The following PTCHD4 variants were observed in gnomAD, a reference collection of about 807,000 sequenced individuals.
PTCHD4 encodes patched domain containing 4, also known as patched domain-containing protein 4.
Under a neutral mutation model 58.1 loss-of-function variants are expected in PTCHD4, and 33 were observed. That is an observed-to-expected ratio of 0.57 (90% CI 0.43 to 0.76). The LOEUF (loss-of-function observed/expected upper bound fraction) is 0.76. Among genes scored for constraint, PTCHD4 ranks in the 30% least tolerant of loss-of-function variants. The pLI is 0.00. For synonymous variants in PTCHD4, 478 were observed against 409.6 expected, an observed-to-expected ratio of 1.17 and a Z score of -2.02; for missense variants, 1,058 against 1,027.1, an observed-to-expected ratio of 1.03 and a Z score of -0.41.
At position 47,864,565 on chromosome 6, in the gene PTCHD4, G is replaced by T. The variant is rs569658242; in HGVS notation, c.*13738C>A. On this transcript the variant is annotated 3_prime_UTR_variant, in exon 5 of 5. Transcript: ENST00000339488. ...CCCAAAGGGCATCGCATAAAGCTAC[G>T]TGGATGATCAAGCTGCTGTGTGGCC... 6.6e-6 allele frequency among the ~76,000 whole-genome samples: 1 copy of T among 151,854 alleles called. No homozygotes were observed. The highest frequency in any genetic ancestry group is 1.5e-5 in the Non-Finnish European group (1 of 67,892).
At chr6:47,964,793 T>G (rs1445352882) in intron 4 of PTCHD4, among the ~76,000 whole-genome samples, 2 of 152,188 alleles carry the variant, frequency 1.3e-5, no homozygotes, top group African/African-American at 4.8e-5. Flanking sequence ...TTTGCTTGCT[T>G]GAGAGCTGTA....
At position 47,878,956 on chromosome 6, in the gene PTCHD4, T is replaced by C; in HGVS notation, c.1879A>G (p.Arg627Gly). The C allele has an allele frequency of 6.2e-7, 1 of 1,613,056 alleles. No individual in the cohort carries two copies. The highest frequency in any genetic ancestry group is 1.7e-5 in the Admixed American group (1 of 59,988). ...KEITEVLEKL[R>G]PLSLSKSIRF... ...ATGCTCTTTGAGAGGGATAGGGGCC[T>C]CAGCTTTTCCAACACTTCTGTGATT... is the stretch of plus-strand genomic sequence containing the variant. Residue 627 changes from arginine (R) to glycine (G), a missense_variant, in exon 5 of 5, where the codon AGG becomes GGG. Coordinates refer to ENST00000339488, the MANE Select transcript of PTCHD4 (RefSeq NM_001384253.1).
intron 4 of PTCHD4, among the ~76,000 whole-genome samples, chr6:47,962,933 A>G (rs1420126452): frequency 1.3e-5 from 2 of 151,852 alleles, no homozygotes; most frequent in African/African-American, 4.8e-5. Flanking sequence ...GCCGAGGCAG[A>G]TGGATTGCCT....
chr6:47,996,143 G>T (rs1195669194), intron 4 of PTCHD4, among the ~76,000 whole-genome samples: 1 of 152,058 alleles, frequency 6.6e-6, no homozygotes, highest in East Asian at 1.9e-4. Flanking sequence ...CTTGTCATGT[G>T]AAATATTTAG....
intron 3 of PTCHD4, among the ~76,000 whole-genome samples, chr6:48,010,791 C>T (rs2114089053): frequency 6.6e-6 from 1 of 152,196 alleles, no homozygotes; most frequent in Middle Eastern, 3.4e-3. Flanking sequence ...TGTTCCCCTC[C>T]CTGTGTCCAT....
rs375264606 is a variant in PTCHD4 at position 47,870,737 on chromosome 6, T to C, written c.*7566A>G. Among the ~76,000 whole-genome samples the C allele has an allele frequency of 5.9e-5, 9 of 151,694 alleles. No homozygotes were observed. In the East Asian group the frequency reaches 1.2e-3, roughly 20 times the overall value. On this transcript the variant is annotated 3_prime_UTR_variant, in exon 5 of 5. Coordinates refer to ENST00000339488, the MANE Select transcript of PTCHD4 (RefSeq NM_001384253.1). The stretch of plus-strand genomic sequence containing the variant: ...GGATGGAAATACAACTTGGGTAATG[T>C]TTTTTTGATTTGACATTTTTGTTCA...
At chr6:47,925,181 ATG>A (rs144217387) in intron 4 of PTCHD4, among the ~76,000 whole-genome samples, 167 of 146,740 alleles carry the variant, frequency 1.1e-3, no homozygotes, top group African/African-American at 1.9e-3. Context: ...TATTATATAT[ATG>A]TGTGTGTGTG....
At chr6:47,980,770 A>G (rs895195351) in intron 4 of PTCHD4, among the ~76,000 whole-genome samples, 19 of 151,900 alleles carry the variant, frequency 1.3e-4, no homozygotes, top group Admixed American at 5.9e-4. Flanking sequence ...AACACTAAGC[A>G]CTACCTATAT....
intron 4 of PTCHD4, among the ~76,000 whole-genome samples, chr6:47,932,787 C>A (rs1373973140): frequency 1.3e-5 from 2 of 152,218 alleles, no homozygotes; most frequent in Non-Finnish European, 2.9e-5. Context: ...GGGAGCCCAA[C>A]CTTGCCACTT....
At chr6:48,035,712 C>T (rs1582055566) in intron 3 of PTCHD4, among the ~76,000 whole-genome samples, 1 of 152,118 alleles carries the variant, frequency 6.6e-6, no homozygotes, top group Non-Finnish European at 1.5e-5. Context: ...CTTTCAATAT[C>T]TGATCAGGTT....
chr6:47,882,741 G>GAGATTATATATATATATATATATATATAT (rs143060584), intron 4 of PTCHD4, among the ~76,000 whole-genome samples: 3 of 102,374 alleles, frequency 2.9e-5, no homozygotes, highest in East Asian at 3.4e-4. Context: ...TGATTCCAGT[G>GAGATTATATATATATATATATATATATAT]ATATATATAT....
At chr6:48,059,637 A>C (rs1272530431) in intron 3 of PTCHD4, among the ~76,000 whole-genome samples, 1 of 151,958 alleles carries the variant, frequency 6.6e-6, no homozygotes, top group Non-Finnish European at 1.5e-5. Context: ...GACTGTCTCA[A>C]ACAAACAAAC....
At chr6:47,922,360 T>A (rs1385884646) in intron 4 of PTCHD4, among the ~76,000 whole-genome samples, 1 of 152,184 alleles carries the variant, frequency 6.6e-6, no homozygotes, top group East Asian at 1.9e-4. Context: ...TCTTTCCTTT[T>A]ATCCCATCTC....
chr6:47,885,590 C>T (rs1297977138), intron 4 of PTCHD4, among the ~76,000 whole-genome samples: 1 of 152,156 alleles, frequency 6.6e-6, no homozygotes, highest in Non-Finnish European at 1.5e-5. Context: ...AGGTGGGGAG[C>T]ACTCAGAACT....
chr6:47,909,413 C>T (rs937712021), intron 4 of PTCHD4, among the ~76,000 whole-genome samples: 3 of 152,074 alleles, frequency 2.0e-5, no homozygotes, highest in Non-Finnish European at 4.4e-5. Flanking sequence ...GCATGCAATG[C>T]ATATTTTCTT....
At chr6:48,007,936 G>GCGCGCGCACACA (rs935818683) in intron 4 of PTCHD4, among the ~76,000 whole-genome samples, 32 of 150,242 alleles carry the variant, frequency 2.1e-4, no homozygotes, top group African/African-American at 7.8e-4. Context: ...GTGCGCGCGC[G>GCGCGCGCACACA]CACACACACA....
Position 47,878,439 on chromosome 6 carries a change from A to C in PTCHD4, c.2396T>G (p.Ile799Ser), listed in dbSNP as rs1763906266. The C allele has an allele frequency of 6.2e-7, 1 of 1,613,550 alleles. No individual in the cohort carries two copies. ...GGCTLLHCFVILPVFLTFFPP... is the reference protein window; with the variant it reads ...GGCTLLHCFVSLPVFLTFFPP... ...GAAAAACGTTAGGAACACAGGTAAA[A>C]TAACAAAACAGTGCAGAAGTGTGCA... The change falls in exon 5 of 5, where the codon ATT becomes AGT. Residue 799 changes from isoleucine (I) to serine (S), a missense_variant. By Grantham distance (142) the Ile-to-Ser change is moderately radical. Coordinates refer to ENST00000339488, the MANE Select transcript of PTCHD4 (RefSeq NM_001384253.1).
intron 4 of PTCHD4, among the ~76,000 whole-genome samples, chr6:48,003,576 C>T (rs908500059): frequency 6.6e-6 from 1 of 152,180 alleles, no homozygotes; most frequent in African/African-American, 2.4e-5. Context: ...TTTGCAATAA[C>T]CTGTTAAATA....
At chr6:47,999,227 G>T (rs999581789) in intron 4 of PTCHD4, among the ~76,000 whole-genome samples, 33 of 152,308 alleles carry the variant, frequency 2.2e-4, no homozygotes, top group African/African-American at 7.5e-4. Flanking sequence ...AAGACATCTA[G>T]CAGGTTAAGA....
Sources: gnomAD v4.1 joint callset for allele counts (sites outside exome capture counted in the v4.1 genomes callset) on GRCh38, gnomAD v4.1.1 for gene constraint, MANE v1.5 for transcripts, NCBI Gene and HGNC (gene_info 2026-07-23, HGNC 2026-07-21) for gene names.